The following COL5A1 variants were observed in gnomAD, a reference collection of about 807,000 sequenced individuals.
The protein encoded by COL5A1 is collagen alpha-1(V) chain.
A neutral mutation model predicts 263.7 loss-of-function variants in COL5A1; 16 were observed. That is an observed-to-expected ratio of 0.06 (90% CI 0.04 to 0.09). The LOEUF (loss-of-function observed/expected upper bound fraction) is 0.09, where lower values mean the gene tolerates loss of function less well. Ranked by LOEUF, COL5A1 falls within the 10% of genes least tolerant of loss-of-function variation. The pLI is 1.00. For missense variants in COL5A1, 2,036 were observed against 2,540.5 expected, an observed-to-expected ratio of 0.80 and a Z score of 4.27; for synonymous variants, 1,012 against 1,004.5, an observed-to-expected ratio of 1.01 and a Z score of -0.14.
chr9:134,792,262 A>G (rs1173118066), intron 32 of COL5A1, among the ~76,000 whole-genome samples: 2 of 152,180 alleles, frequency 1.3e-5, no homozygotes, highest in African/African-American at 4.8e-5. Context: ...GGCACTGAAG[A>G]TTGTTTGAAA....
At chr9:134,731,454 T>G in intron 7 of COL5A1, 42 bp from the exon 8 acceptor site, 1 of 1,608,254 alleles carries the variant, frequency 6.2e-7, no homozygotes, top group Non-Finnish European at 8.5e-7. Flanking sequence ...CAGTGCCTGG[T>G]GCGTTTGCGA....
chr9:134,704,380 C>T (rs1234828590), intron 4 of COL5A1, among the ~76,000 whole-genome samples: 2 of 152,170 alleles, frequency 1.3e-5, no homozygotes, highest in African/African-American at 4.8e-5. Flanking sequence ...CCAGAGTTTA[C>T]CTCCTTTATC....
intron 9 of COL5A1, among the ~76,000 whole-genome samples, chr9:134,733,065 G>A (rs760657359): frequency 6.6e-6 from 1 of 152,202 alleles, no homozygotes; most frequent in African/African-American, 2.4e-5. Context: ...GGAGGTGTGC[G>A]TCCTGCACCA....
In COL5A1 at chr9:134,647,523, A is replaced by G. The variant is rs995413533; in HGVS notation, c.109+5227A>G. Among the ~76,000 whole-genome samples, 4 of 152,158 alleles carry G rather than the reference A, an allele frequency of 2.6e-5. No homozygotes were observed. Among genetic ancestry groups the G allele is most frequent in the African/African-American group, 9.7e-5 (4 of 41,430 alleles). On this transcript the variant is annotated intron_variant, in intron 1 of 65. Coordinates refer to ENST00000371817, the MANE Select transcript of COL5A1 (RefSeq NM_000093.5). This position sits in a 1 kb window ranked among gnomAD's most constrained non-coding sequence, Gnocchi z 5.0. ...CATCCTTGCACATGTACCTGCGTTCACATGGGTGTCCCTGGCTGACTCCAC... is the reference window on the plus strand; with the variant it reads ...CATCCTTGCACATGTACCTGCGTTCGCATGGGTGTCCCTGGCTGACTCCAC...
Position 134,708,285 on chromosome 9 carries a change from G to C in COL5A1, c.654+6952G>C, listed in dbSNP as rs538618546. ...TCTCTGTGCCTCCATCACTGGCCAG[G>C]CAGCATGGATAGGCCAGGTGTCCCT... is the stretch of plus-strand genomic sequence containing the variant. On this transcript the variant is annotated intron_variant, in intron 4 of 65. Transcript: ENST00000371817. Among the ~76,000 whole-genome samples, 4 of 152,284 alleles carry C rather than the reference G, an allele frequency of 2.6e-5. No individual in the cohort carries two copies. In the South Asian group the frequency reaches 8.3e-4, roughly 32 times the overall value.
At chr9:134,751,318 T>G (rs1004846502) in intron 13 of COL5A1, among the ~76,000 whole-genome samples, 2 of 152,092 alleles carry the variant, frequency 1.3e-5, no homozygotes, top group Non-Finnish European at 2.9e-5. Flanking sequence ...GGTTCTAACT[T>G]TACAAGGGGC....
intron 11 of COL5A1, among the ~76,000 whole-genome samples, chr9:134,743,050 G>A (rs772759555): frequency 7.2e-5 from 11 of 152,298 alleles, no homozygotes; most frequent in African/African-American, 9.6e-5. Context: ...ATCCATTCGC[G>A]TGTGTGCCCC....
In COL5A1 at chr9:134,791,692, G is replaced by A. The variant is rs573258888; in HGVS notation, c.2700+2484G>A. Among the ~76,000 whole-genome samples the A allele has an allele frequency of 4.6e-5, 7 of 152,120 alleles. No individual in the cohort carries two copies. The South Asian group carries it at 1.0e-3, about 23-fold the overall frequency. ...GGCGCTGGCTTGCCTTCTGCGCCTC[G>A]GTGAACAGATGCTGCCTCCCAGGTT... On this transcript the variant is annotated intron_variant, in intron 32 of 65. Transcript: ENST00000371817.
At chr9:134,830,616 C>T (rs1245586468) in intron 64 of COL5A1, among the ~76,000 whole-genome samples, 3 of 152,248 alleles carry the variant, frequency 2.0e-5, no homozygotes, top group South Asian at 2.1e-4. Context: ...GATCCCCTCT[C>T]CCCAGCTGCT....
chr9:134,830,249 G>A, intron 64 of COL5A1: 1 of 1,443,868 alleles, frequency 6.9e-7, no homozygotes, highest in Non-Finnish European at 9.5e-7. Flanking sequence ...GCTCTGCATG[G>A]CACCCATCGC....
chr9:134,838,727 G>A (rs1839924444), intron 65 of COL5A1, among the ~76,000 whole-genome samples: 1 of 152,204 alleles, frequency 6.6e-6, no homozygotes, highest in Non-Finnish European at 1.5e-5. Context: ...CCCCTCCCCA[G>A]GGCTGTTCTA....
chr9:134,649,250 C>T (rs1005110471), intron 1 of COL5A1: 20 of 321,780 alleles, frequency 6.2e-5, no homozygotes, highest in Admixed American at 2.9e-4. Flanking sequence ...TAGTCCGAGC[C>T]GTCACACCCT....
At chr9:134,724,433 G>T (rs576757401) in intron 4 of COL5A1, among the ~76,000 whole-genome samples, 1 of 152,232 alleles carries the variant, frequency 6.6e-6, no homozygotes, top group South Asian at 2.1e-4. Flanking sequence ...CTGTCCGGCA[G>T]CACAGAGCTT....
intron 28 of COL5A1, among the ~76,000 whole-genome samples, chr9:134,780,818 G>A (rs977543932): frequency 6.6e-6 from 1 of 152,308 alleles, no homozygotes; most frequent in African/African-American, 2.4e-5. Context: ...GAAGCTCAGA[G>A]CCAAATCCAA....
At chr9:134,825,722 G>T (rs112440110) in intron 62 of COL5A1, 70 bp from the exon 63 acceptor site, 10 of 990,688 alleles carry the variant, frequency 1.0e-5, no homozygotes, top group Non-Finnish European at 1.6e-5. Context: ...ATGTCACAGC[G>T]GCTTCCGGAA....
chr9:134,789,202 C>T lies in COL5A1; in HGVS notation c.2694C>T (p.Gly898=), dbSNP rs139394549. 20 of 1,612,672 alleles carry T rather than the reference C, an allele frequency of 1.2e-5. No individual in the cohort carries two copies. Among genetic ancestry groups the T allele is most frequent in the East Asian group, 4.5e-5 (2 of 44,896 alleles). Residue 898 remains glycine, a synonymous_variant, in exon 32 of 66, where the codon GGC becomes GGT. Coordinates refer to ENST00000371817, the MANE Select transcript of COL5A1 (RefSeq NM_000093.5). The surrounding 1 kb of genome is among the most constrained non-coding windows in gnomAD (Gnocchi z 4.8). ...PGFPGANGEK[G]GRGTPGKPGP... Reference sequence around the variant, plus strand: ...TTCCTGGCGCCAATGGAGAGAAGGGCGGCAGGGTAAGGATAGCCTGGCCCC... The same window carrying T: ...TTCCTGGCGCCAATGGAGAGAAGGGTGGCAGGGTAAGGATAGCCTGGCCCC...
chr9:134,789,301 A>C lies in COL5A1; in HGVS notation c.2700+93A>C. The stretch of plus-strand genomic sequence containing the variant: ...CCAGCCGACGGCCTGTTTATTTCTC[A>C]CTCTCTTGCTTCTGAAACTGCTCTC... On this transcript the variant is annotated intron_variant, in intron 32 of 65. Coordinates refer to ENST00000371817, the MANE Select transcript of COL5A1 (RefSeq NM_000093.5). This position sits in a 1 kb window ranked among gnomAD's most constrained non-coding sequence, Gnocchi z 4.8. The C allele has an allele frequency of 6.9e-5, 72 of 1,038,328 alleles. No individual in the cohort carries two copies. The highest frequency in any genetic ancestry group is 9.9e-5 in the Non-Finnish European group (67 of 678,566). 64.3% of individuals were successfully genotyped at this position (1,038,328 alleles called of 1,614,324 possible).
intron 11 of COL5A1, 58 bp downstream of exon 11, chr9:134,738,866 C>T (rs1588488723): frequency 7.3e-7 from 1 of 1,379,192 alleles, no homozygotes; most frequent in East Asian, 2.3e-5. Context: ...CCCACGCCTC[C>T]TCTCCACACT....
chr9:134,806,347 C>T (rs1189589036), intron 42 of COL5A1, 51 bp downstream of exon 42: 1 of 1,326,996 alleles, frequency 7.5e-7, no homozygotes, highest in Non-Finnish European at 1.1e-6. Context: ...ATGCTGGGGT[C>T]GTTCCGTGTC....
Sources: allele counts gnomAD v4.1 joint callset (sites outside exome capture counted in the v4.1 genomes callset), GRCh38; gene constraint gnomAD v4.1.1; non-coding constraint Gnocchi (gnomAD v3.1); transcripts MANE v1.5; gene names NCBI Gene and HGNC (gene_info 2026-07-23, HGNC 2026-07-21).